STXBP4: variants seen among roughly 807,000 people sequenced by gnomAD.
STXBP4 encodes the protein syntaxin-binding protein 4.
A neutral mutation model predicts 76.1 loss-of-function variants in STXBP4; 55 were observed. The observed-to-expected ratio is 0.72, with a 90% confidence interval of 0.58 to 0.91. The LOEUF (loss-of-function observed/expected upper bound fraction) is 0.91. Ranked by LOEUF, STXBP4 falls within the 40% of genes least tolerant of loss-of-function variation. The pLI, the probability that STXBP4 is intolerant of heterozygous loss-of-function variation, is 0.00. For synonymous variants in STXBP4, 201 were observed against 220.2 expected (o/e 0.91, Z 0.77); for missense variants, 618 against 636.9 (o/e 0.97, Z 0.32).
chr17:54,995,333 C>A (rs1287246772), intron 4 of STXBP4, among the ~76,000 whole-genome samples: 1 of 152,134 alleles, frequency 6.6e-6, no homozygotes. Flanking sequence ...CTCAAATGTT[C>A]ATTTTTATTT....
At chr17:55,082,778 A>C (rs2079272454) in intron 16 of STXBP4, among the ~76,000 whole-genome samples, 1 of 152,126 alleles carries the variant, frequency 6.6e-6, no homozygotes. Flanking sequence ...ATAATGGTCC[A>C]GGGGGAGAAG....
chr17:55,179,984 G>A, the STXBP4 span, among the ~76,000 whole-genome samples: 1 of 152,048 alleles, frequency 6.6e-6, no homozygotes, highest in Admixed American at 6.5e-5. Context: ...GACTCAAACC[G>A]ATATCTCATT....
rs755699290 is a variant in STXBP4, at chr17:55,047,112, G to A, written c.969G>A (p.Lys323=). The A allele has an allele frequency of 2.9e-5, 46 of 1,606,324 alleles. No homozygotes were observed. The highest frequency in any genetic ancestry group is 1.7e-4 in the Middle Eastern group (1 of 6,058). The stretch of plus-strand genomic sequence containing the variant: ...AGGAAAAATTATTGGAATCAGATAA[G>A]CAAAGGAAACAATTGACAGAAGAGC... ...TLKEKLLESD[K]QRKQLTEELQ... Residue 323 remains lysine, a synonymous_variant, in exon 12 of 18, where the codon AAG becomes AAA. Transcript: ENST00000376352.
rs572868237 is a variant in STXBP4 at position 55,168,217 on chromosome 17, A to G, written c.*8306A>G. On this transcript the variant is annotated 3_prime_UTR_variant, in exon 18 of 18. Transcript: ENST00000376352. ...AGTATATGTGTGTGTGTGTGTGTGT[A>G]TATATATATATCTGTGTGTATATAC... The G allele has an allele frequency of 3.3e-4, 43 of 131,996 alleles. No homozygotes were observed. Among genetic ancestry groups the G allele is most frequent in the East Asian group, 1.7e-3 (8 of 4,672 alleles). 8.2% of individuals were successfully genotyped at this position (131,996 alleles called of 1,614,324 possible). A position where few individuals can be genotyped will look rare whatever the true frequency, so the allele number is the denominator to read the frequency against.
the STXBP4 span, among the ~76,000 whole-genome samples, chr17:55,181,304 A>G: frequency 1.3e-5 from 2 of 152,246 alleles, no homozygotes; most frequent in African/African-American, 2.4e-5. Context: ...TTATAGGTAC[A>G]AATTTTTTAA....
chr17:55,093,237 C>G (rs1165977254), intron 16 of STXBP4, among the ~76,000 whole-genome samples: 1 of 152,044 alleles, frequency 6.6e-6, no homozygotes, highest in African/African-American at 2.4e-5. Flanking sequence ...TGATCTGCCC[C>G]CCTCGGCCTC....
chr17:55,085,867 T>G (rs530410628), intron 16 of STXBP4, among the ~76,000 whole-genome samples: 1 of 152,166 alleles, frequency 6.6e-6, no homozygotes, highest in Non-Finnish European at 1.5e-5. Context: ...AAAATCAAAT[T>G]ATATATCAAA....
At chr17:54,999,484 A>G (rs749436501) in intron 5 of STXBP4, 33 bp downstream of exon 5, 2 of 1,553,088 alleles carry the variant, frequency 1.3e-6, no homozygotes, top group Non-Finnish European at 1.8e-6. Context: ...AGAATGAGTC[A>G]TTTAGAATGT....
chr17:55,070,764 T>C (rs576054186), intron 12 of STXBP4, among the ~76,000 whole-genome samples: 1 of 152,226 alleles, frequency 6.6e-6, no homozygotes, highest in African/African-American at 2.4e-5. Flanking sequence ...ACTCCAATCA[T>C]AATTGATCTA....
chr17:55,211,093 G>GC, the STXBP4 span, among the ~76,000 whole-genome samples: 2,211 of 150,568 alleles, frequency 0.015, 46 homozygotes, highest in African/African-American at 0.046. Context: ...ATCGTGAAAT[G>GC]CCCCCCCCCA....
chr17:55,020,903 G>A (rs1381046909), intron 8 of STXBP4, among the ~76,000 whole-genome samples: 1 of 152,070 alleles, frequency 6.6e-6, no homozygotes, highest in Admixed American at 6.5e-5. Context: ...GCTAATATAT[G>A]AAACCTCTGG....
At chr17:55,008,022 G>A (rs763827509) in intron 8 of STXBP4, among the ~76,000 whole-genome samples, 30 of 152,020 alleles carry the variant, frequency 2.0e-4, no homozygotes, top group Non-Finnish European at 7.4e-5. Context: ...AAAATAGTCA[G>A]ATGTCCACTA....
chr17:55,185,275 CCTTCTCCTT>C, the STXBP4 span, among the ~76,000 whole-genome samples: 59 of 48,642 alleles, frequency 1.2e-3, 1 homozygote, highest in African/African-American at 4.4e-3. Flanking sequence ...TTCTCCTTCT[CCTTCTCCTT>C]CTCCTTCTCC....
intron 12 of STXBP4, among the ~76,000 whole-genome samples, chr17:55,067,512 G>A (rs1047631109): frequency 1.3e-5 from 2 of 152,046 alleles, no homozygotes; most frequent in African/African-American, 2.4e-5. Context: ...AATGTACTTG[G>A]ATATGGGAAT....
chr17:55,127,611 TA>T (rs2079927247), intron 16 of STXBP4, among the ~76,000 whole-genome samples: 1 of 152,206 alleles, frequency 6.6e-6, no homozygotes, highest in Non-Finnish European at 1.5e-5. Flanking sequence ...TATAACTCTT[TA>T]ATGTAATGAT....
At chr17:55,018,262 C>G (rs1038610625) in intron 8 of STXBP4, among the ~76,000 whole-genome samples, 1 of 152,130 alleles carries the variant, frequency 6.6e-6, no homozygotes, top group Admixed American at 6.5e-5. Context: ...GCCTTTAGCC[C>G]GATCAGGAAC....
intron 16 of STXBP4, among the ~76,000 whole-genome samples, chr17:55,136,961 G>A (rs1311221160): frequency 6.6e-6 from 1 of 152,028 alleles, no homozygotes; most frequent in East Asian, 1.9e-4. Flanking sequence ...TAATAACAAT[G>A]GTCTCCTTTC....
chr17:55,213,109 G>A, the STXBP4 span, among the ~76,000 whole-genome samples: 3 of 152,214 alleles, frequency 2.0e-5, no homozygotes, highest in African/African-American at 7.2e-5. Flanking sequence ...GCCTCCAGCA[G>A]AGAGTAGATG....
intron 1 of STXBP4, among the ~76,000 whole-genome samples, chr17:54,976,480 C>T (rs1360613841): frequency 6.6e-6 from 1 of 152,206 alleles, no homozygotes; most frequent in African/African-American, 2.4e-5. Flanking sequence ...TATCAAGAAA[C>T]TGAAACTTAC....
Sources: gnomAD v4.1 joint callset for allele counts (sites outside exome capture counted in the v4.1 genomes callset) on GRCh38, gnomAD v4.1.1 for gene constraint, MANE v1.5 for transcripts, NCBI Gene and HGNC (gene_info 2026-07-23, HGNC 2026-07-21) for gene names.